Variants in INPP4B observed in about 807,000 individuals in gnomAD.
The protein encoded by INPP4B is inositol polyphosphate-4-phosphatase type II B.
Under a neutral mutation model 122.5 loss-of-function variants are expected in INPP4B, and 55 were observed. That is an observed-to-expected ratio of 0.45 (90% CI 0.36 to 0.56). INPP4B has a LOEUF of 0.56. INPP4B is among the 20% of genes least tolerant of loss of function. INPP4B has a pLI of 0.00. For missense variants in INPP4B, 1,000 were observed against 1,097.7 expected, an observed-to-expected ratio of 0.91 and a Z score of 1.26; for synonymous variants, 403 against 388.7, an observed-to-expected ratio of 1.04 and a Z score of -0.43.
rs201078156 is a variant in INPP4B, at chr4:142,737,309, A to G, written c.-253-11408T>C. On this transcript the variant is annotated intron_variant, in intron 1 of 25. Transcript: ENST00000262992. Reference sequence around the variant, plus strand: ...ACAGAGTCCTCAGAAATAATGCCACATATCTACAACCATCTGATCTTTGAC... The same window carrying G: ...ACAGAGTCCTCAGAAATAATGCCACGTATCTACAACCATCTGATCTTTGAC... Among the ~76,000 whole-genome samples the G allele has an allele frequency of 2.6e-4, 40 of 152,272 alleles. No individual in the cohort carries two copies. In the East Asian group the frequency reaches 5.2e-3, roughly 20 times the overall value.
In INPP4B at chr4:142,086,275, A is replaced by G; in HGVS notation, c.2375-19T>C. On this transcript the variant is annotated intron_variant, in intron 23 of 25. Coordinates refer to ENST00000262992, the MANE Select transcript of INPP4B (RefSeq NM_001101669.3). ...GAAATATCTGAAGGGGAAAAAACAA[A>G]GGAGAAAAATAAAATGAGACAGTGT... The G allele has an allele frequency of 7.7e-7, 1 of 1,300,426 alleles. No homozygotes were observed. The highest frequency in any genetic ancestry group is 1.1e-6 in the Non-Finnish European group (1 of 897,104). The allele number at this position is 1,300,426 out of a possible 1,614,324, so 80.6% of individuals were successfully genotyped here. A position where few individuals can be genotyped will look rare whatever the true frequency, so the allele number is the denominator to read the frequency against.
At chr4:142,459,699 T>C (rs1324872811) in intron 3 of INPP4B, among the ~76,000 whole-genome samples, 1 of 152,130 alleles carries the variant, frequency 6.6e-6, no homozygotes, top group Non-Finnish European at 1.5e-5. Context: ...ACTCTAGATG[T>C]TAGATACAAT....
Position 142,108,110 on chromosome 4 carries a change from T to C in INPP4B, c.2357A>G (p.Glu786Gly). Residue 786 changes from glutamate to glycine, a missense_variant, in exon 23 of 26, where the codon GAA (glutamate) becomes GGA (glycine). Coordinates refer to ENST00000262992, the MANE Select transcript of INPP4B (RefSeq NM_001101669.3). ...LLQEYYKIFM[E>G]KMPPDYISHF... ...ATACTTACAATCAGGAGGCATCTTT[T>C]CCATAAATATCTTGTAATATTCTTG... 1 of 1,546,858 alleles carries C rather than the reference T, an allele frequency of 6.5e-7. No individual in the cohort carries two copies. Among genetic ancestry groups the C allele is most frequent in the Middle Eastern group, 1.7e-4 (1 of 5,922 alleles).
At chr4:142,643,007 G>A (rs1468157083) in intron 2 of INPP4B, among the ~76,000 whole-genome samples, 3 of 152,094 alleles carry the variant, frequency 2.0e-5, no homozygotes, top group African/African-American at 7.2e-5. Flanking sequence ...TGGATTCCTA[G>A]GTATTTTATT....
At chr4:142,707,013 A>G (rs1190713658) in intron 2 of INPP4B, among the ~76,000 whole-genome samples, 1 of 152,214 alleles carries the variant, frequency 6.6e-6, no homozygotes, top group Admixed American at 6.5e-5. Context: ...TTAACTTTAA[A>G]CCAATGAGAA....
chr4:142,749,518 G>A (rs1165064049), intron 1 of INPP4B, among the ~76,000 whole-genome samples: 3 of 151,154 alleles, frequency 2.0e-5, no homozygotes, highest in Admixed American at 6.6e-5. Context: ...TGTAGCCATC[G>A]TTTTAAGAAT....
intron 2 of INPP4B, among the ~76,000 whole-genome samples, chr4:142,578,968 G>C (rs1178014777): frequency 6.6e-6 from 1 of 151,956 alleles, no homozygotes; most frequent in African/African-American, 2.4e-5. Context: ...TAACTAAAAA[G>C]TGAATATGTT....
chr4:142,384,213 AC>A (rs1795170302), intron 7 of INPP4B: 1 of 675,628 alleles, frequency 1.5e-6, no homozygotes, highest in African/African-American at 1.8e-5. Flanking sequence ...CAAAAGAAAT[AC>A]CTTAGAAAAA....
At chr4:142,142,376 G>C (rs964920570) in intron 18 of INPP4B, among the ~76,000 whole-genome samples, 2 of 152,058 alleles carry the variant, frequency 1.3e-5, no homozygotes, top group African/African-American at 4.8e-5. Flanking sequence ...TCAGAAGGTT[G>C]CTTTTAGATC....
Position 142,200,276 on chromosome 4 carries a change from AT to A in INPP4B, c.1073-7082del, listed in dbSNP as rs58783413. The stretch of plus-strand genomic sequence containing the variant: ...ATGTATACCTATTCTATTAAAAAAA[AT>A]TTTTTTAGCATGTCATTACTTTCTA... On this transcript the variant is annotated intron_variant, in intron 14 of 25. Coordinates refer to ENST00000262992, the MANE Select transcript of INPP4B (RefSeq NM_001101669.3). Among the ~76,000 whole-genome samples the A allele has an allele frequency of 5.3e-5, 8 of 151,942 alleles. No individual in the cohort carries two copies. In the South Asian group the frequency reaches 1.7e-3, roughly 31 times the overall value.
At chr4:142,179,491 A>AT (rs11431258) in intron 15 of INPP4B, among the ~76,000 whole-genome samples, 2 of 150,220 alleles carry the variant, frequency 1.3e-5, no homozygotes, top group African/African-American at 2.4e-5. Context: ...AAAAAAAAAA[A>AT]GGTTTCATGA....
chr4:142,846,234 GGCA>G lies in INPP4B; in HGVS notation c.-282_-280del. On this transcript the variant is annotated 5_prime_UTR_variant, in exon 1 of 26. Coordinates refer to ENST00000262992, the MANE Select transcript of INPP4B (RefSeq NM_001101669.3). This position sits in a 1 kb window ranked among gnomAD's most constrained non-coding sequence, Gnocchi z 5.1. ...CTCTCCCGGAGGCGGAGTGGGGGGC[GGCA>G]GCAGCAGCAGACACTTTTAGCCTGA... The G allele has an allele frequency of 6.5e-6, 1 of 152,852 alleles. No individual in the cohort carries two copies. Among genetic ancestry groups the G allele is most frequent in the Non-Finnish European group, 1.5e-5 (1 of 68,596 alleles). The allele number at this position is 152,852 out of a possible 1,614,324, so 9.5% of individuals were successfully genotyped here. A position where few individuals can be genotyped will look rare whatever the true frequency, so the allele number is the denominator to read the frequency against.
chr4:142,432,602 C>T (rs1809563586), intron 3 of INPP4B, among the ~76,000 whole-genome samples: 2 of 151,892 alleles, frequency 1.3e-5, no homozygotes, highest in South Asian at 2.1e-4. Flanking sequence ...ATTTTTTTTA[C>T]CATTAAATTT....
intron 2 of INPP4B, among the ~76,000 whole-genome samples, chr4:142,604,360 A>C (rs1361628099): frequency 6.6e-6 from 1 of 152,116 alleles, no homozygotes; most frequent in Non-Finnish European, 1.5e-5. Flanking sequence ...TTATCATAAT[A>C]CTGTAAGTTC....
Position 142,082,054 on chromosome 4 carries a change from G to T in INPP4B, c.2619C>A (p.Ile873=). 6.8e-7 allele frequency: 1 copy of T among 1,471,114 alleles called. No individual in the cohort carries two copies. Among genetic ancestry groups the T allele is most frequent in the Non-Finnish European group, 9.2e-7 (1 of 1,086,322 alleles). The allele number at this position is 1,471,114 out of a possible 1,614,324, so 91.1% of individuals were successfully genotyped here. A position where few individuals can be genotyped will look rare whatever the true frequency, so the allele number is the denominator to read the frequency against. The change falls in exon 25 of 26, where the codon ATC becomes ATA. Residue 873 remains isoleucine, a synonymous_variant. Coordinates refer to ENST00000262992, the MANE Select transcript of INPP4B (RefSeq NM_001101669.3). ...DEHQLHKDFF[I]RALDCMRREG... ...ACCTTCTCATGCAATCCAGCGCTCG[G>T]ATAAAGAAGTCCTTGTGTAACTGGT...
chr4:142,721,753 A>G (rs561632721), intron 2 of INPP4B, among the ~76,000 whole-genome samples: 31 of 152,114 alleles, frequency 2.0e-4, no homozygotes, highest in Non-Finnish European at 3.8e-4. Flanking sequence ...CCCGGGAGGC[A>G]GAGATTGCAG....
intron 14 of INPP4B, chr4:142,202,835 C>A (rs1354341846): frequency 2.1e-6 from 2 of 930,488 alleles, no homozygotes; most frequent in Non-Finnish European, 2.6e-6. Flanking sequence ...TTCACTCATG[C>A]AAACTAAGGG....
intron 2 of INPP4B, among the ~76,000 whole-genome samples, chr4:142,464,017 G>T (rs964842036): frequency 1.3e-5 from 2 of 152,140 alleles, no homozygotes; most frequent in South Asian, 2.1e-4. Flanking sequence ...TATAAGGGAG[G>T]TACCATTATT....
chr4:142,641,303 G>T (rs1750369907), intron 2 of INPP4B, among the ~76,000 whole-genome samples: 1 of 151,660 alleles, frequency 6.6e-6, no homozygotes, highest in African/African-American at 2.4e-5. Context: ...AAGTTCTAGG[G>T]TACATGTGCA....
Sources: allele counts gnomAD v4.1 joint callset (sites outside exome capture counted in the v4.1 genomes callset), GRCh38; gene constraint gnomAD v4.1.1; non-coding constraint Gnocchi (gnomAD v3.1); transcripts MANE v1.5; gene names NCBI Gene and HGNC (gene_info 2026-07-23, HGNC 2026-07-21).